DIP2B: variants seen among roughly 807,000 people sequenced by gnomAD.
DIP2B encodes disco-interacting protein 2 homolog B.
A neutral mutation model predicts 198.0 loss-of-function variants in DIP2B; 76 were observed. The observed-to-expected ratio is 0.38, with a 90% CI of 0.32 to 0.46. The LOEUF is 0.46. Among genes scored for constraint, DIP2B ranks in the 20% least tolerant of loss-of-function variants. The pLI, the probability that DIP2B is intolerant of heterozygous loss-of-function variation, is 0.99. For synonymous variants in DIP2B, 701 were observed against 739.1 expected (o/e 0.95, Z 0.84); for missense variants, 1,559 against 1,978.4 (o/e 0.79, Z 4.02).
At chr12:50,592,746 G>T (rs1416807665) in intron 1 of DIP2B, among the ~76,000 whole-genome samples, 1 of 152,130 alleles carries the variant, frequency 6.6e-6, no homozygotes, top group Non-Finnish European at 1.5e-5. Context: ...AAAGTGCTGG[G>T]ATTAAGCTGT....
intron 3 of DIP2B, among the ~76,000 whole-genome samples, chr12:50,653,728 C>CT (rs202013310): frequency 1.1e-4 from 17 of 151,240 alleles, no homozygotes; most frequent in South Asian, 4.2e-4. Flanking sequence ...TTTGAATCTT[C>CT]TTTTTTTTTC....
Position 50,505,906 on chromosome 12 carries a change from A to G in DIP2B, c.100+666A>G, listed in dbSNP as rs552251342. Among the ~76,000 whole-genome samples, 10 of 151,670 alleles carry G rather than the reference A, an allele frequency of 6.6e-5. No homozygotes were observed. In the East Asian group the frequency reaches 1.9e-3, roughly 29 times the overall value. Reference sequence around the variant, plus strand: ...CTGTTATTCGGGCCGAATTTTCCGCATCTGGTCACCTTTTGGAGTCTTTGA... The same window carrying G: ...CTGTTATTCGGGCCGAATTTTCCGCGTCTGGTCACCTTTTGGAGTCTTTGA... On this transcript the variant is annotated intron_variant, in intron 1 of 37. Transcript: ENST00000301180.
intron 1 of DIP2B, among the ~76,000 whole-genome samples, chr12:50,623,513 ACACACACACACACACG>A (rs1271660638): frequency 7.3e-6 from 1 of 137,480 alleles, no homozygotes; most frequent in African/African-American, 2.7e-5. Flanking sequence ...CCTTCCAGAC[ACACACACACACACACG>A]CACACACACA....
At chr12:50,558,799 A>G (rs1051346645) in intron 1 of DIP2B, among the ~76,000 whole-genome samples, 2 of 152,212 alleles carry the variant, frequency 1.3e-5, no homozygotes, top group African/African-American at 2.4e-5. Context: ...GGCCGTTTAC[A>G]CTTTGAAAAC....
At chr12:50,727,914 G>C (rs761676916) in intron 29 of DIP2B, 102 bp downstream of exon 29, 7 of 919,338 alleles carry the variant, frequency 7.6e-6, no homozygotes, top group Non-Finnish European at 1.2e-5. Flanking sequence ...ACCAGAGACC[G>C]GTAGGCAGAG....
At chr12:50,683,743 A>T (rs1346671522) in intron 10 of DIP2B, among the ~76,000 whole-genome samples, 5 of 152,116 alleles carry the variant, frequency 3.3e-5, no homozygotes. Context: ...AGATCGCGCT[A>T]TTGCACTCCA....
intron 3 of DIP2B, among the ~76,000 whole-genome samples, chr12:50,658,226 T>A (rs1938587939): frequency 6.6e-6 from 1 of 150,680 alleles, no homozygotes; most frequent in Non-Finnish European, 1.5e-5. Flanking sequence ...AACCTCCGCC[T>A]GCTGGGTTCA....
At chr12:50,683,676 G>A (rs752908682) in intron 10 of DIP2B, among the ~76,000 whole-genome samples, 4 of 152,228 alleles carry the variant, frequency 2.6e-5, no homozygotes, top group Non-Finnish European at 4.4e-5. Flanking sequence ...CCAGCTACTC[G>A]GGAGGCTGAG....
intron 15 of DIP2B, among the ~76,000 whole-genome samples, 166 bp from the exon 16 acceptor site, chr12:50,695,682 A>G (rs1004094228): frequency 6.6e-6 from 1 of 152,196 alleles, no homozygotes; most frequent in Admixed American, 6.5e-5. Flanking sequence ...TCTAAATGTG[A>G]TAATTTCTGC....
intron 2 of DIP2B, among the ~76,000 whole-genome samples, chr12:50,627,510 G>A (rs1477029604): frequency 6.6e-6 from 1 of 152,068 alleles, no homozygotes; most frequent in Non-Finnish European, 1.5e-5. Flanking sequence ...ATTATTTTTT[G>A]TAGAGTTGGG....
intron 13 of DIP2B, 27 bp downstream of exon 13, chr12:50,691,178 C>A: frequency 6.3e-7 from 1 of 1,587,932 alleles, no homozygotes. Flanking sequence ...TGACTGCCCT[C>A]ATTGTTACCT....
chr12:50,507,612 A>G (rs774340501), intron 1 of DIP2B, among the ~76,000 whole-genome samples: 95 of 151,806 alleles, frequency 6.3e-4, no homozygotes, highest in Non-Finnish European at 1.0e-3. Context: ...GCTTACCGCA[A>G]CCTCCGCCTC....
rs199976466 is a variant in DIP2B at position 50,686,663 on chromosome 12, C to T, written c.1532C>T (p.Thr511Ile). The T allele has an allele frequency of 5.0e-6, 8 of 1,613,982 alleles. No individual in the cohort carries two copies. The East Asian group carries it at 1.1e-4, about 22-fold the overall frequency. The part of the protein sequence containing the change: ...DWQPHISPAG[T>I]EPAYIEYKTS... ...CAGCCACACATCTCACCTGCTGGGA[C>T]AGAACCGGCATACATTGAGGTAAGT... Residue 511 changes from threonine (T) to isoleucine (I), a missense_variant, in exon 12 of 38, where the codon ACA (threonine) becomes ATA (isoleucine). Thr to Ile is a moderately conservative substitution (Grantham distance 89, BLOSUM62 -1). Transcript: ENST00000301180.
At chr12:50,605,357 G>A (rs762908574) in intron 1 of DIP2B, among the ~76,000 whole-genome samples, 20 of 152,094 alleles carry the variant, frequency 1.3e-4, no homozygotes, top group Admixed American at 3.3e-4. Flanking sequence ...TAAGGTGGGC[G>A]GATCATTGTA....
rs562634705 is a variant in DIP2B at position 50,707,978 on chromosome 12, C to T, written c.2535-470C>T. ...TCGTCCCTACCTCAGAACCTTTTCG[C>T]TTTCCGTTCCTTCTGCCCGGAAACC... On this transcript the variant is annotated intron_variant, in intron 21 of 37. Coordinates refer to ENST00000301180, the MANE Select transcript of DIP2B (RefSeq NM_173602.3). Among the ~76,000 whole-genome samples, 166 of 152,268 alleles carry T rather than the reference C, an allele frequency of 1.1e-3. 1 individual carries two copies. Among genetic ancestry groups the T allele is most frequent in the Non-Finnish European group, 2.1e-3 (141 of 68,032 alleles).
intron 12 of DIP2B, among the ~76,000 whole-genome samples, chr12:50,689,642 G>T (rs1939188693): frequency 6.6e-6 from 1 of 152,160 alleles, no homozygotes; most frequent in African/African-American, 2.4e-5. Flanking sequence ...AGTCAGTGAT[G>T]GATATATGAG....
intron 1 of DIP2B, among the ~76,000 whole-genome samples, chr12:50,522,530 G>T (rs1013993203): frequency 6.6e-6 from 1 of 152,114 alleles, no homozygotes; most frequent in Non-Finnish European, 1.5e-5. Context: ...ATGCATCTTT[G>T]GGGTATGGGG....
chr12:50,726,654 A>G (rs906535282), intron 28 of DIP2B, among the ~76,000 whole-genome samples: 3 of 130,784 alleles, frequency 2.3e-5, no homozygotes, highest in African/African-American at 5.4e-5. Flanking sequence ...CCTGGCCACC[A>G]TTTTTCTTTC....
Position 50,511,897 on chromosome 12 carries a change from G to A in DIP2B, c.100+6657G>A, listed in dbSNP as rs148289921. On this transcript the variant is annotated intron_variant, in intron 1 of 37. Transcript: ENST00000301180. ...CAGGAGGCAGATGTTGCAGTGAGCC[G>A]AGATCGCGTCACTGCACTCCAGCCT... 7.3e-3 allele frequency among the ~76,000 whole-genome samples: 979 copies of A among 133,912 alleles called. 15 individuals carry two copies. The highest frequency in any genetic ancestry group is 0.026 in the African/African-American group (941 of 36,032). The allele number at this position is 133,912 out of a possible 152,430, so 87.9% of individuals were successfully genotyped here.
Sources: gnomAD v4.1 joint callset for allele counts (sites outside exome capture counted in the v4.1 genomes callset) on GRCh38, gnomAD v4.1.1 for gene constraint, MANE v1.5 for transcripts, NCBI Gene and HGNC (gene_info 2026-07-23, HGNC 2026-07-21) for gene names.